Variants in DMD observed in about 807,000 individuals in gnomAD.
DMD encodes dystrophin, also known as mutant dystrophin.
DMD carries 63 observed loss-of-function variants against 330.1 expected under a neutral mutation model. The observed-to-expected ratio is 0.19, with a 90% CI of 0.16 to 0.24. The LOEUF (loss-of-function observed/expected upper bound fraction) is 0.24, where lower values mean the gene tolerates loss of function less well. Ranked by LOEUF, DMD falls within the 10% of genes least tolerant of loss-of-function variation. The pLI is 1.00. For synonymous variants in DMD, 1,223 were observed against 959.8 expected, an observed-to-expected ratio of 1.27 and a Z score of -5.07; for missense variants, 3,344 against 2,684.1, an observed-to-expected ratio of 1.25 and a Z score of -5.43.
intron 44 of DMD, among the ~76,000 whole-genome samples, chrX:31,973,319 G>C (rs1474540524): frequency 2.7e-5 from 3 of 110,235 alleles, no homozygotes; most frequent in Non-Finnish European, 5.7e-5. Flanking sequence ...TGGAAAAATA[G>C]TATAGAAAAG....
chrX:32,465,380 C>T (rs207478227), intron 23 of DMD, among the ~76,000 whole-genome samples: 1 of 110,823 alleles, frequency 9.0e-6, no homozygotes, highest in Non-Finnish European at 1.9e-5. Flanking sequence ...TTATTTTCTT[C>T]TGTTTTACTT....
At chrX:32,233,278 G>C (rs1001635640) in intron 43 of DMD, among the ~76,000 whole-genome samples, 1 of 111,236 alleles carries the variant, frequency 9.0e-6, no homozygotes, top group Non-Finnish European at 1.9e-5. Flanking sequence ...GCCAGCATTT[G>C]GATTTCATTA....
intron 13 of DMD, among the ~76,000 whole-genome samples, chrX:32,578,589 T>A (rs1403383230): frequency 8.9e-6 from 1 of 111,860 alleles, no homozygotes; most frequent in Non-Finnish European, 1.9e-5. Flanking sequence ...CTATTTCAAT[T>A]CAAAAGTGAA....
chrX:32,447,741 G>A lies in DMD; in HGVS notation c.3786+715C>T, dbSNP rs547947305. Reference sequence around the variant, plus strand: ...ATGTCTGGCAGCATCAGCATTTGTAGTGGATAAAGTTTTGTGCCCCTTGGC... The same window carrying A: ...ATGTCTGGCAGCATCAGCATTTGTAATGGATAAAGTTTTGTGCCCCTTGGC... On this transcript the variant is annotated intron_variant, in intron 27 of 78. Transcript: ENST00000357033. Among the ~76,000 whole-genome samples the A allele has an allele frequency of 2.8e-4, 31 of 111,950 alleles. No individual in the cohort carries two copies. In the South Asian group the frequency reaches 9.0e-3, roughly 33 times the overall value.
intron 52 of DMD, among the ~76,000 whole-genome samples, chrX:31,691,101 A>G (rs894745286): frequency 9.0e-6 from 1 of 110,975 alleles, no homozygotes; most frequent in Admixed American, 9.6e-5. Context: ...CATGTACCCT[A>G]GAACTTAAAG....
intron 16 of DMD, among the ~76,000 whole-genome samples, chrX:32,548,347 C>A (rs749788663): frequency 2.7e-5 from 3 of 111,599 alleles, no homozygotes; most frequent in Admixed American, 9.5e-5. Flanking sequence ...GTAATTTTCT[C>A]TTTAAATGTT....
At chrX:32,404,997 TTTGA>T (rs2098109408) in intron 30 of DMD, among the ~76,000 whole-genome samples, 1 of 111,675 alleles carries the variant, frequency 9.0e-6, no homozygotes, top group Non-Finnish European at 1.9e-5. Flanking sequence ...TCACCAGTAG[TTTGA>T]TTGCCACTCT....
At chrX:32,398,657 A>C (rs1695881336) in intron 30 of DMD, among the ~76,000 whole-genome samples, 1 of 111,469 alleles carries the variant, frequency 9.0e-6, no homozygotes, top group Non-Finnish European at 1.9e-5. Flanking sequence ...GCTTAGTCAT[A>C]ATAACGACAA....
intron 1 of DMD, among the ~76,000 whole-genome samples, chrX:33,066,748 T>C (rs915395524): frequency 6.3e-5 from 7 of 111,532 alleles, no homozygotes; most frequent in African/African-American, 2.0e-4. Context: ...GAATGCATAT[T>C]TTTTGCCTTG....
intron 63 of DMD, among the ~76,000 whole-genome samples, chrX:31,225,531 T>C (rs892158973): frequency 2.7e-5 from 3 of 112,280 alleles, no homozygotes; most frequent in South Asian, 3.7e-4. Context: ...AATTCCAAAA[T>C]GTCCAGCTGT....
chrX:32,332,336 TAAAG>T (rs2097684432), intron 41 of DMD, among the ~76,000 whole-genome samples: 1 of 108,531 alleles, frequency 9.2e-6, no homozygotes. Context: ...CTCAAGAAGA[TAAAG>T]AAGGAAAATA....
chrX:32,368,486 A>G (rs946870136), intron 34 of DMD, among the ~76,000 whole-genome samples: 2 of 111,749 alleles, frequency 1.8e-5, no homozygotes, highest in Admixed American at 1.9e-4. Flanking sequence ...CAAGGCTGCC[A>G]TAGAGGAACA....
At chrX:31,284,499 G>C (rs182007817) in intron 62 of DMD, among the ~76,000 whole-genome samples, 120 of 110,541 alleles carry the variant, frequency 1.1e-3, no homozygotes, top group African/African-American at 3.9e-3. Flanking sequence ...TCACTGCCAT[G>C]GTGAATGATC....
At chrX:32,070,344 G>T (rs1194306277) in intron 44 of DMD, among the ~76,000 whole-genome samples, 1 of 110,905 alleles carries the variant, frequency 9.0e-6, no homozygotes, top group Non-Finnish European at 1.9e-5. Flanking sequence ...TGCAGCCTCT[G>T]TGGAAACCAC....
At chrX:33,063,596 G>C (rs755373980) in intron 1 of DMD, among the ~76,000 whole-genome samples, 1 of 111,572 alleles carries the variant, frequency 9.0e-6, no homozygotes, top group Non-Finnish European at 1.9e-5. Context: ...CAGAACATAT[G>C]TCTCTAGAAG....
At chrX:32,769,624 T>G (rs949411968) in intron 7 of DMD, among the ~76,000 whole-genome samples, 1 of 112,000 alleles carries the variant, frequency 8.9e-6, no homozygotes, top group African/African-American at 3.2e-5. Flanking sequence ...TTGTTTCTGA[T>G]GATTTAAATA....
At chrX:32,866,507 A>G (rs58504464) in intron 2 of DMD, among the ~76,000 whole-genome samples, 3,076 of 111,066 alleles carry the variant, frequency 0.028, 110 homozygotes, top group African/African-American at 0.095. Context: ...ATATCAAGCT[A>G]GAAATTATTT....
At chrX:32,064,670 T>C (rs1029074509) in intron 44 of DMD, among the ~76,000 whole-genome samples, 28 of 111,177 alleles carry the variant, frequency 2.5e-4, no homozygotes, top group Middle Eastern at 4.2e-3. Flanking sequence ...TGTATGTGTC[T>C]GTCTGTATGC....
intron 2 of DMD, among the ~76,000 whole-genome samples, chrX:32,939,143 C>T (rs2090216886): frequency 9.2e-6 from 1 of 108,379 alleles, no homozygotes; most frequent in Non-Finnish European, 1.9e-5. Flanking sequence ...TTCGCTAATA[C>T]TTCTTTCTTT....
Sources: allele counts gnomAD v4.1 joint callset (sites outside exome capture counted in the v4.1 genomes callset), GRCh38; gene constraint gnomAD v4.1.1; transcripts MANE v1.5; gene names NCBI Gene and HGNC (gene_info 2026-07-23, HGNC 2026-07-21).